RLF: variants seen among roughly 807,000 people sequenced by gnomAD.
RLF encodes zinc finger protein Rlf.
In RLF, 7 loss-of-function variants were observed where a neutral mutation model predicts 162.9. The ratio of observed to expected loss-of-function variants is 0.04; its 90% CI spans 0.02 to 0.08. The LOEUF (loss-of-function observed/expected upper bound fraction) is 0.08, where lower values mean the gene tolerates loss of function less well. Ranked by LOEUF, RLF falls within the 10% of genes least tolerant of loss-of-function variation. The pLI is 1.00. For missense variants in RLF, 1,664 were observed against 2,244.7 expected, an observed-to-expected ratio of 0.74 and a Z score of 5.23; for synonymous variants, 782 against 791.5, an observed-to-expected ratio of 0.99 and a Z score of 0.20.
At chr1:40,222,734 C>T (rs958909405) in intron 6 of RLF, 24 bp downstream of exon 6, 3 of 1,600,366 alleles carry the variant, frequency 1.9e-6, no homozygotes, top group African/African-American at 2.7e-5. Context: ...GTTTTACACT[C>T]TTTATTTGTT....
At chr1:40,201,691 C>T (rs1175749876) in intron 4 of RLF, among the ~76,000 whole-genome samples, 2 of 151,456 alleles carry the variant, frequency 1.3e-5, no homozygotes, top group Non-Finnish European at 2.9e-5. Context: ...TGCCAAGTGC[C>T]TAATATTCAG....
chr1:40,222,098 T>G (rs1419860883), intron 5 of RLF, among the ~76,000 whole-genome samples: 1 of 152,124 alleles, frequency 6.6e-6, no homozygotes, highest in African/African-American at 2.4e-5. Flanking sequence ...GAAAAAATGA[T>G]GTTAATGTAG....
chr1:40,161,437 G>A lies in RLF; in HGVS notation c.38G>A (p.Gly13Glu). 3 of 1,565,888 alleles carry A rather than the reference G, an allele frequency of 1.9e-6. No homozygotes were observed. Among genetic ancestry groups the A allele is most frequent in the Non-Finnish European group, 1.7e-6 (2 of 1,160,306 alleles). The change falls in exon 1 of 8, where the codon GGG becomes GAG. Residue 13 changes from glycine (G) to glutamate (E), a missense_variant. Coordinates refer to ENST00000372771, the MANE Select transcript of RLF (RefSeq NM_012421.4). The surrounding 1 kb of genome is among the most constrained non-coding windows in gnomAD (Gnocchi z 4.4). ...DGKGDAAAVA[G>E]AGAEAPAVAG... Reference sequence around the variant, plus strand: ...AAGGGAGACGCCGCCGCTGTCGCCGGGGCTGGGGCTGAGGCTCCGGCGGTA... The same window carrying A: ...AAGGGAGACGCCGCCGCTGTCGCCGAGGCTGGGGCTGAGGCTCCGGCGGTA...
chr1:40,197,783 C>T (rs976751863), intron 4 of RLF, among the ~76,000 whole-genome samples: 2 of 152,156 alleles, frequency 1.3e-5, no homozygotes, highest in African/African-American at 4.8e-5. Flanking sequence ...TAGCCTGCCT[C>T]CTTTCACAGT....
chr1:40,223,727 C>G (rs1480774324), intron 6 of RLF, among the ~76,000 whole-genome samples: 1 of 152,090 alleles, frequency 6.6e-6, no homozygotes, highest in African/African-American at 2.4e-5. Context: ...TCACCCAGTC[C>G]TCATAATAAT....
chr1:40,217,665 G>A (rs1485564291), intron 5 of RLF, among the ~76,000 whole-genome samples: 1 of 151,734 alleles, frequency 6.6e-6, no homozygotes, highest in Non-Finnish European at 1.5e-5. Context: ...TCAGCTACTC[G>A]GAAGGCTGAG....
chr1:40,203,109 C>CTTTTT (rs34957684), intron 5 of RLF, among the ~76,000 whole-genome samples: 43 of 99,688 alleles, frequency 4.3e-4, no homozygotes, highest in African/African-American at 1.5e-3. Context: ...AGGGTTGAGT[C>CTTTTT]TTTTTTTTTT....
At chr1:40,227,600 C>A (rs1372801482) in intron 6 of RLF, among the ~76,000 whole-genome samples, 1 of 152,130 alleles carries the variant, frequency 6.6e-6, no homozygotes, top group Non-Finnish European at 1.5e-5. Flanking sequence ...ACAAAATACA[C>A]CATAAAATGC....
At chr1:40,225,578 C>CAAAAAAAAAAAAAAAA (rs537934926) in intron 6 of RLF, among the ~76,000 whole-genome samples, 1 of 83,062 alleles carries the variant, frequency 1.2e-5, no homozygotes, top group African/African-American at 5.3e-5. Context: ...GACTCTGTCT[C>CAAAAAAAAAAAAAAAA]AAAAAAAAAA....
Position 40,170,054 on chromosome 1 carries a change from G to A in RLF, c.237+8418G>A, listed in dbSNP as rs1642220842. Among the ~76,000 whole-genome samples, 5 of 152,196 alleles carry A rather than the reference G, an allele frequency of 3.3e-5. No individual in the cohort carries two copies. The South Asian group carries it at 1.0e-3, about 32-fold the overall frequency. On this transcript the variant is annotated intron_variant, in intron 1 of 7. Transcript: ENST00000372771. ...TTCCAAGAGAGACATTACGTATTGT[G>A]CAGCATTTGCCAAACTTACCAGGTC... is the stretch of plus-strand genomic sequence containing the variant.
intron 6 of RLF, 51 bp downstream of exon 6, chr1:40,222,761 T>TG (rs1643016036): frequency 6.7e-7 from 1 of 1,488,928 alleles, no homozygotes; most frequent in Non-Finnish European, 9.3e-7. Context: ...TAGTATAGCA[T>TG]TTAGGGTTTA....
At position 40,238,443 on chromosome 1, in the gene RLF, A is replaced by G; in HGVS notation, c.3741A>G (p.Lys1247=). The change falls in exon 8 of 8, where the codon AAA becomes AAG. Residue 1247 remains lysine (K), a synonymous_variant. Transcript: ENST00000372771. This position sits in a 1 kb window ranked among gnomAD's most constrained non-coding sequence, Gnocchi z 5.2. ...CTGAGAAACCACACTGTCATCCTAA[A>G]AAGGATGAATGTAGTTCTGAAACAG... ...SNSEKPHCHP[K]KDECSSETDL... The G allele has an allele frequency of 6.2e-7, 1 of 1,614,100 alleles. No homozygotes were observed. The highest frequency in any genetic ancestry group is 8.5e-7 in the Non-Finnish European group (1 of 1,179,956).
chr1:40,183,607 A>T (rs1009412489), intron 1 of RLF, among the ~76,000 whole-genome samples: 2 of 152,136 alleles, frequency 1.3e-5, no homozygotes, highest in Non-Finnish European at 2.9e-5. Context: ...AAATAGTTGA[A>T]TTGTGAAAAG....
At chr1:40,221,911 A>T (rs1440872916) in intron 5 of RLF, among the ~76,000 whole-genome samples, 1 of 151,298 alleles carries the variant, frequency 6.6e-6, no homozygotes, top group East Asian at 1.9e-4. Context: ...AAAAAAAAAA[A>T]AAAAAAAGAG....
At chr1:40,166,525 A>C (rs1210527796) in intron 1 of RLF, among the ~76,000 whole-genome samples, 1 of 152,070 alleles carries the variant, frequency 6.6e-6, no homozygotes, top group Non-Finnish European at 1.5e-5. Context: ...AAGGATTATA[A>C]ATCATGCTGC....
At chr1:40,235,623 C>A (rs1234277397) in intron 7 of RLF, among the ~76,000 whole-genome samples, 169 bp from the exon 8 acceptor site, 1 of 152,108 alleles carries the variant, frequency 6.6e-6, no homozygotes, top group African/African-American at 2.4e-5. Context: ...TAATTTAGTT[C>A]TTTGCATGTT....
rs909599779 is a variant in RLF, at chr1:40,240,279, C to T, written c.5577C>T (p.Asn1859=). Residue 1859 remains asparagine (N), a synonymous_variant, in exon 8 of 8, where the codon AAC becomes AAT. Transcript: ENST00000372771. ...CAACAACAGTTCCTTCCTTGGAAAA[C>T]CTGAGGGTTGTATTGGACAAAGCAT... ...AETTTVPSLE[N]LRVVLDKALT... The T allele has an allele frequency of 2.1e-5, 34 of 1,614,062 alleles. No homozygotes were observed. Among genetic ancestry groups the T allele is most frequent in the Admixed American group, 2.0e-4 (12 of 59,996 alleles).
intron 1 of RLF, among the ~76,000 whole-genome samples, chr1:40,176,955 T>C (rs1642333997): frequency 6.6e-6 from 1 of 151,894 alleles, no homozygotes; most frequent in African/African-American, 2.4e-5. Flanking sequence ...TAACAGTATA[T>C]TTCTTTCTTT....
chr1:40,204,993 C>T (rs891303547), intron 5 of RLF, among the ~76,000 whole-genome samples: 2 of 152,188 alleles, frequency 1.3e-5, no homozygotes, highest in African/African-American at 2.4e-5. Flanking sequence ...ATCTGTTCTC[C>T]TAGCTAAGGC....
Sources: allele counts gnomAD v4.1 joint callset (sites outside exome capture counted in the v4.1 genomes callset), GRCh38; gene constraint gnomAD v4.1.1; non-coding constraint Gnocchi (gnomAD v3.1); transcripts MANE v1.5; gene names NCBI Gene and HGNC (gene_info 2026-07-23, HGNC 2026-07-21).